Variants in DCAF8 observed in about 807,000 individuals in gnomAD.
DCAF8 encodes DDB1- and CUL4-associated factor 8.
A neutral mutation model predicts 68.0 loss-of-function variants in DCAF8; 20 were observed. That is an observed-to-expected ratio of 0.29 (90% CI 0.21 to 0.43). DCAF8 has a LOEUF of 0.43. Among genes scored for constraint, DCAF8 ranks in the 20% least tolerant of loss-of-function variants. The pLI, the probability that DCAF8 is intolerant of heterozygous loss-of-function variation, is 1.00. For synonymous variants in DCAF8, 230 were observed against 276.9 expected (o/e 0.83, Z 1.68); for missense variants, 460 against 771.0 (o/e 0.60, Z 4.78).
At chr1:160,255,299 T>C (rs1211823690) in intron 2 of DCAF8, among the ~76,000 whole-genome samples, 1 of 152,214 alleles carries the variant, frequency 6.6e-6, no homozygotes, top group Non-Finnish European at 1.5e-5. Flanking sequence ...TAAAATAGAT[T>C]TTTTTACTAT....
At chr1:160,258,343 AAAAT>A (rs748817558) in intron 2 of DCAF8, among the ~76,000 whole-genome samples, 26 of 152,170 alleles carry the variant, frequency 1.7e-4, no homozygotes, top group Non-Finnish European at 2.8e-4. Context: ...TCCTATTTCA[AAAAT>A]AAATAAATAG....
intron 2 of DCAF8, among the ~76,000 whole-genome samples, chr1:160,248,258 G>A (rs1428539213): frequency 6.6e-6 from 1 of 151,502 alleles, no homozygotes; most frequent in East Asian, 1.9e-4. Flanking sequence ...AGTGAGCCAA[G>A]ATAGTACCAC....
At chr1:160,231,495 A>G in intron 6 of DCAF8, 88 bp from the exon 7 acceptor site, 2 of 852,358 alleles carry the variant, frequency 2.3e-6, no homozygotes, top group South Asian at 3.1e-5. Context: ...TCACATGGCT[A>G]ATAAGAAACC....
intron 2 of DCAF8, among the ~76,000 whole-genome samples, chr1:160,244,323 AAAAT>A (rs1213645884): frequency 6.6e-6 from 1 of 152,256 alleles, no homozygotes; most frequent in African/African-American, 2.4e-5. Context: ...AGTGGGAACT[AAAAT>A]AAAACCTGGA....
intron 5 of DCAF8, among the ~76,000 whole-genome samples, chr1:160,237,921 G>A (rs1324959229): frequency 2.0e-5 from 3 of 152,132 alleles, no homozygotes; most frequent in Non-Finnish European, 4.4e-5. Flanking sequence ...TTACATCTTA[G>A]TTCCTTACAA....
At chr1:160,222,852 G>A in intron 10 of DCAF8, 71 bp from the exon 11 acceptor site, 5 of 1,590,910 alleles carry the variant, frequency 3.1e-6, no homozygotes, top group Non-Finnish European at 1.7e-6. Flanking sequence ...ATCTCAAAGG[G>A]AATTTAGTTA....
At chr1:160,239,111 T>C in intron 4 of DCAF8, 2 of 985,082 alleles carry the variant, frequency 2.0e-6, no homozygotes, top group Admixed American at 5.2e-5. Context: ...AAAAGGAAAA[T>C]AGGGGGAATG....
chr1:160,248,551 T>C (rs939388424), intron 2 of DCAF8, among the ~76,000 whole-genome samples: 2 of 151,572 alleles, frequency 1.3e-5, no homozygotes, highest in South Asian at 4.2e-4. Context: ...TTGGCCAACA[T>C]AGTGAAACCC....
rs1424122101 is a variant in DCAF8, at chr1:160,224,496, T to G, written c.1255A>C (p.Ser419Arg). ...CTCTTAACATACTGGGCCCCATCAC[T>G]GTGAGAGGAGTTGAAGAGGTAAATG... is the stretch of plus-strand genomic sequence containing the variant. ...EDIYLFNSSH[S>R]DGAQYVKRYK... The change falls in exon 10 of 14, where the codon AGT becomes CGT. Residue 419 changes from serine to arginine, a missense_variant. Physicochemically the swap from Ser to Arg is moderately radical, Grantham distance 110 (BLOSUM62 -1). Transcript: ENST00000368074. 3.1e-6 allele frequency: 5 copies of G among 1,614,014 alleles called. No individual in the cohort carries two copies. Among genetic ancestry groups the G allele is most frequent in the Non-Finnish European group, 4.2e-6 (5 of 1,179,990 alleles).
At chr1:160,218,774 TCCTC>T (rs1368579545) in intron 12 of DCAF8, 71 bp downstream of exon 12, 23 of 1,585,106 alleles carry the variant, frequency 1.5e-5, no homozygotes, top group Non-Finnish European at 1.9e-5. Flanking sequence ...AGCAAGTTAT[TCCTC>T]CCTATGACAA....
intron 6 of DCAF8, among the ~76,000 whole-genome samples, chr1:160,234,764 C>A (rs183480049): frequency 3.9e-5 from 6 of 152,282 alleles, no homozygotes; most frequent in Admixed American, 1.3e-4. Context: ...TCATGTAGTT[C>A]AAAAGATTAA....
At chr1:160,262,227 G>A (rs1657127796) in intron 1 of DCAF8, 3 of 397,968 alleles carry the variant, frequency 7.5e-6, no homozygotes, top group Non-Finnish European at 4.4e-6. Flanking sequence ...AGGGGAAACC[G>A]GCTGGGAAGC....
intron 2 of DCAF8, among the ~76,000 whole-genome samples, chr1:160,246,809 A>G (rs1207623054): frequency 6.6e-6 from 1 of 152,166 alleles, no homozygotes; most frequent in Non-Finnish European, 1.5e-5. Flanking sequence ...ACAGAAAAGA[A>G]AAAAATCAGT....
intron 2 of DCAF8, among the ~76,000 whole-genome samples, chr1:160,260,350 T>G (rs1263351172): frequency 6.6e-6 from 1 of 152,240 alleles, no homozygotes; most frequent in African/African-American, 2.4e-5. Context: ...TGTACTTTTC[T>G]CTTTATATCT....
chr1:160,216,311 G>C lies in DCAF8; in HGVS notation c.*1281C>G, dbSNP rs539156316. 2 of 152,292 alleles carry C rather than the reference G, an allele frequency of 1.3e-5. No individual in the cohort carries two copies. Among genetic ancestry groups the C allele is most frequent in the African/African-American group, 4.8e-5 (2 of 41,546 alleles). 9.4% of individuals were successfully genotyped at this position (152,292 alleles called of 1,614,324 possible). Reference sequence around the variant, plus strand: ...ACAGAGTGAGAGAGTGTGTATGTATGTGTGTGGTGTGTGTGTACATGTCTT... The same window carrying C: ...ACAGAGTGAGAGAGTGTGTATGTATCTGTGTGGTGTGTGTGTACATGTCTT... On this transcript the variant is annotated 3_prime_UTR_variant, in exon 14 of 14. Transcript: ENST00000368074.
intron 12 of DCAF8, 56 bp downstream of exon 12, chr1:160,218,793 A>C: frequency 6.2e-7 from 1 of 1,606,584 alleles, no homozygotes; most frequent in Non-Finnish European, 8.5e-7. Context: ...TGACAATAAG[A>C]ATCAACAGTA....
chr1:160,237,128 C>T lies in DCAF8; in HGVS notation c.959+7G>A. 1.3e-6 allele frequency: 2 copies of T among 1,550,396 alleles called. No individual in the cohort carries two copies. Among genetic ancestry groups the T allele is most frequent in the Non-Finnish European group, 1.8e-6 (2 of 1,142,698 alleles). ...CAGTTCTGTAATGATATTACTGCTA[C>T]ACTTACGACGCTGGGCGGTCTTGTC... On this transcript the variant is annotated splice_region_variant and intron_variant, in intron 6 of 13. Transcript: ENST00000368074.
intron 3 of DCAF8, among the ~76,000 whole-genome samples, chr1:160,242,988 T>A (rs1571101486): frequency 6.6e-6 from 1 of 152,172 alleles, no homozygotes; most frequent in Non-Finnish European, 1.5e-5. Flanking sequence ...TAAGAACATA[T>A]GGAGCAATAA....
rs1391813220 is a variant in DCAF8, at chr1:160,239,832, G to A, written c.588C>T (p.Val196=). Residue 196 remains valine (V), a synonymous_variant, in exon 4 of 14, where the codon GTC becomes GTT. Coordinates refer to ENST00000368074, the MANE Select transcript of DCAF8 (RefSeq NM_015726.4). ...CGCGCTGGTTAAAGTGCAGGGTATT[G>A]ACACAACCAGTATGGCCCTCAAGCC... is the stretch of plus-strand genomic sequence containing the variant. The part of the protein sequence containing the change: ...QHGLEGHTGC[V]NTLHFNQRGT... The A allele has an allele frequency of 1.3e-5, 21 of 1,614,138 alleles. No individual in the cohort carries two copies. Among genetic ancestry groups the A allele is most frequent in the Non-Finnish European group, 1.8e-5 (21 of 1,180,054 alleles).
Sources: allele counts gnomAD v4.1 joint callset (sites outside exome capture counted in the v4.1 genomes callset), GRCh38; gene constraint gnomAD v4.1.1; transcripts MANE v1.5; gene names NCBI Gene and HGNC (gene_info 2026-07-23, HGNC 2026-07-21).